The following DCHS1 variants were observed in gnomAD, a reference collection of about 807,000 sequenced individuals.
DCHS1 encodes the protein protocadherin-16.
DCHS1 carries 78 observed loss-of-function variants against 213.9 expected under a neutral mutation model. The observed-to-expected ratio is 0.36, with a 90% CI of 0.30 to 0.44. The LOEUF is 0.44. DCHS1 is among the 20% of genes least tolerant of loss of function. DCHS1 has a pLI of 1.00. For synonymous variants in DCHS1, 1,828 were observed against 1,873.7 expected (o/e 0.98, Z 0.63); for missense variants, 3,946 against 4,395.9 (o/e 0.90, Z 2.89).
rs1168887726 is a variant in DCHS1, at chr11:6,622,139, G to C, written c.9537C>G (p.Val3179=). The part of the protein sequence containing the change: ...WCPQFQPLAS[V]FTEIARLKDE... ...CCTTGAGCCGAGCGATCTCTGTGAAGACACTGGCCAGTGGTTGGAACTGAG... is the reference window on the plus strand; with the variant it reads ...CCTTGAGCCGAGCGATCTCTGTGAACACACTGGCCAGTGGTTGGAACTGAG... Residue 3179 remains valine, a synonymous_variant, in exon 21 of 21, where the codon GTC becomes GTG. Transcript: ENST00000299441. The surrounding 1 kb of genome is among the most constrained non-coding windows in gnomAD (Gnocchi z 5.4). The C allele has an allele frequency of 6.2e-7, 1 of 1,612,700 alleles. No homozygotes were observed. The highest frequency in any genetic ancestry group is 8.5e-7 in the Non-Finnish European group (1 of 1,179,766).
In DCHS1 at chr11:6,621,714, T is replaced by C; in HGVS notation, c.*65A>G. 6.6e-7 allele frequency: 1 copy of C among 1,525,912 alleles called. No homozygotes were observed. Among genetic ancestry groups the C allele is most frequent in the Non-Finnish European group, 8.8e-7 (1 of 1,134,854 alleles). The allele number at this position is 1,525,912 out of a possible 1,614,324, so 94.5% of individuals were successfully genotyped here. On this transcript the variant is annotated 3_prime_UTR_variant, in exon 21 of 21. Coordinates refer to ENST00000299441, the MANE Select transcript of DCHS1 (RefSeq NM_003737.4). ...TAGTCCGAGGCTGCCCAGGGCAGGC[T>C]CAGAGTGGGGCCTGCGTTGGGGACA...
rs776701259 is a variant in DCHS1 at position 6,625,204 on chromosome 11, G to A, written c.7140C>T (p.Leu2380=). 4 of 1,590,122 alleles carry A rather than the reference G, an allele frequency of 2.5e-6. No homozygotes were observed. Among genetic ancestry groups the A allele is most frequent in the Non-Finnish European group, 3.4e-6 (4 of 1,166,770 alleles). The change falls in exon 19 of 21, where the codon CTC becomes CTT. Residue 2380 remains leucine, a synonymous_variant. Coordinates refer to ENST00000299441, the MANE Select transcript of DCHS1 (RefSeq NM_003737.4). This position sits in a 1 kb window ranked among gnomAD's most constrained non-coding sequence, Gnocchi z 5.3. ...GATCCATGGGTGTCAATACCTGGTA[G>A]AGGCTCTGTGAGAAGGCAGGTGCAT... ...NDNAPAFSQS[L]YQVMLLEHTP... is the part of the protein sequence containing the mutation.
chr11:6,623,739 G>A lies in DCHS1; in HGVS notation c.7937C>T (p.Pro2646Leu). 6.2e-7 allele frequency: 1 copy of A among 1,613,928 alleles called. No homozygotes were observed. The highest frequency in any genetic ancestry group is 8.5e-7 in the Non-Finnish European group (1 of 1,179,912). The change falls in exon 21 of 21, where the codon CCA (proline) becomes CTA (leucine). Residue 2646 changes from proline (P) to leucine (L), a missense_variant. By Grantham distance (98) the Pro-to-Leu change is moderately conservative. Coordinates refer to ENST00000299441, the MANE Select transcript of DCHS1 (RefSeq NM_003737.4). The part of the protein sequence containing the change: ...LVRFTVSSGD[P>L]SGLFELDESS... ...CTCATCCAGCTCAAAGAGCCCTGAT[G>A]GGTCGCCTGAGCTGACAGTGAAACG...
At position 6,625,381 on chromosome 11, in the gene DCHS1, G is replaced by A. The variant is rs1032537133; in HGVS notation, c.6963C>T (p.Pro2321=). ...GGCCTCCATAGCGGCCAACACTGAA[G>A]GGATCCTGGGGCCCAGATGGGCTTA... is the stretch of plus-strand genomic sequence containing the variant. ...YVLSPSGPQD[P]FSVGRYGGRV... Residue 2321 remains proline, a synonymous_variant, in exon 19 of 21, where the codon CCC becomes CCT. Coordinates refer to ENST00000299441, the MANE Select transcript of DCHS1 (RefSeq NM_003737.4). This position sits in a 1 kb window ranked among gnomAD's most constrained non-coding sequence, Gnocchi z 5.3. The A allele has an allele frequency of 1.9e-6, 3 of 1,612,482 alleles. No individual in the cohort carries two copies. Among genetic ancestry groups the A allele is most frequent in the African/African-American group, 1.3e-5 (1 of 74,966 alleles).
chr11:6,624,794 G>T lies in DCHS1; in HGVS notation c.7221C>A (p.Ala2407=). ...CCAGGTGGTAGGAAATGTGACCGTT[G>T]GCACCTGAGTCCCGATCAGTGGCAG... is the stretch of plus-strand genomic sequence containing the variant. ...SVSATDRDSG[A]NGHISYHLAS... Residue 2407 remains alanine (A), a synonymous_variant, in exon 20 of 21, where the codon GCC becomes GCA. Coordinates refer to ENST00000299441, the MANE Select transcript of DCHS1 (RefSeq NM_003737.4). 6.2e-7 allele frequency: 1 copy of T among 1,613,884 alleles called. No individual in the cohort carries two copies.
chr11:6,627,353 C>T lies in DCHS1; in HGVS notation c.5686G>A (p.Ala1896Thr), dbSNP rs750096302. 9.7e-5 allele frequency: 156 copies of T among 1,607,646 alleles called. No individual in the cohort carries two copies. Among genetic ancestry groups the T allele is most frequent in the Non-Finnish European group, 6.4e-5 (75 of 1,177,210 alleles). The change falls in exon 14 of 21, where the codon GCC (alanine) becomes ACC (threonine). Residue 1896 changes from alanine (A) to threonine (T), a missense_variant. This residue lies in a region of DCHS1 where 3,384 missense variants were observed against 3,780.1 expected (regional missense o/e 0.90). Coordinates refer to ENST00000299441, the MANE Select transcript of DCHS1 (RefSeq NM_003737.4). The surrounding 1 kb of genome is among the most constrained non-coding windows in gnomAD (Gnocchi z 5.4). ...AGCAGGAAGGCTCCTGCTGTACCGG[C>T]GCCCAGGTAGTAGGTCACATGGCCA... Reference protein sequence around the residue: ...ANGHVTYYLGAGTAGAFLLEP... With the variant: ...ANGHVTYYLGTGTAGAFLLEP...
In DCHS1 at chr11:6,621,578, T is replaced by G. The variant is rs1855687062; in HGVS notation, c.*201A>C. The G allele has an allele frequency of 1.4e-6, 1 of 718,616 alleles. No individual in the cohort carries two copies. Among genetic ancestry groups the G allele is most frequent in the African/African-American group, 1.7e-5 (1 of 57,534 alleles). The allele number at this position is 718,616 out of a possible 1,614,324, so 44.5% of individuals were successfully genotyped here. On this transcript the variant is annotated 3_prime_UTR_variant, in exon 21 of 21. Coordinates refer to ENST00000299441, the MANE Select transcript of DCHS1 (RefSeq NM_003737.4). Reference sequence around the variant, plus strand: ...TTCATATTTCTCCCCACATTGGACCTGGTCACAGGTCAGTGAGCAACAGGG... The same window carrying G: ...TTCATATTTCTCCCCACATTGGACCGGGTCACAGGTCAGTGAGCAACAGGG...
chr11:6,626,301 A>T lies in DCHS1; in HGVS notation c.6444T>A (p.Ser2148Arg), dbSNP rs1206604259. 2 of 1,612,838 alleles carry T rather than the reference A, an allele frequency of 1.2e-6. No individual in the cohort carries two copies. The highest frequency in any genetic ancestry group is 2.7e-5 in the African/African-American group (2 of 74,762). Residue 2148 changes from serine to arginine, a missense_variant, in exon 16 of 21, where the codon AGT becomes AGA. Transcript: ENST00000299441. This position sits in a 1 kb window ranked among gnomAD's most constrained non-coding sequence, Gnocchi z 5.2. The part of the protein sequence containing the change: ...PRLRLVLQAE[S>R]GGAFAFTVLT... Reference sequence around the variant, plus strand: ...GCACAGTGAAGGCAAAGGCTCCTCCACTCTCTGCCTGCAGCACCAGTCGCA... The same window carrying T: ...GCACAGTGAAGGCAAAGGCTCCTCCTCTCTCTGCCTGCAGCACCAGTCGCA...
rs1475475046 is a variant in DCHS1 at position 6,627,009 on chromosome 11, G to A, written c.6030C>T (p.Gly2010=). The change falls in exon 14 of 21, where the codon GGC becomes GGT. Residue 2010 remains glycine, a synonymous_variant. Coordinates refer to ENST00000299441, the MANE Select transcript of DCHS1 (RefSeq NM_003737.4). The surrounding 1 kb of genome is among the most constrained non-coding windows in gnomAD (Gnocchi z 5.4). The part of the protein sequence containing the change: ...LYRLAGTPPP[G]TTVDSYTGEI... ...CACCAGTGTAAGAGTCCACAGTAGTGCCAGGAGGTGGTGTGCCTGCCAGCC... is the reference window on the plus strand; with the variant it reads ...CACCAGTGTAAGAGTCCACAGTAGTACCAGGAGGTGGTGTGCCTGCCAGCC... 6.2e-7 allele frequency: 1 copy of A among 1,613,654 alleles called. No individual in the cohort carries two copies. The highest frequency in any genetic ancestry group is 1.1e-5 in the South Asian group (1 of 91,074).
chr11:6,647,986 G>C (rs1222616284), intron 1 of DCHS1, among the ~76,000 whole-genome samples: 1 of 152,192 alleles, frequency 6.6e-6, no homozygotes, highest in East Asian at 1.9e-4. Flanking sequence ...AGGAAGATGA[G>C]GGAGTGGAAG....
Position 6,629,882 on chromosome 11 carries a change from G to A in DCHS1, c.4825C>T (p.Arg1609Cys), listed in dbSNP as rs774193040. 5.6e-6 allele frequency: 9 copies of A among 1,612,708 alleles called. No homozygotes were observed. The highest frequency in any genetic ancestry group is 1.7e-5 in the Admixed American group (1 of 60,020). Residue 1609 changes from arginine (R) to cysteine (C), a missense_variant, in exon 11 of 21, where the codon CGC becomes TGC. By Grantham distance (180) the Arg-to-Cys change is radical. Transcript: ENST00000299441. Reference sequence around the variant, plus strand: ...AGTACGTGCTCAGCTCGTTGTTCGCGGTCCAACGGCCGCACCACGGACAGC... The same window carrying A: ...AGTACGTGCTCAGCTCGTTGTTCGCAGTCCAACGGCCGCACCACGGACAGC... ...GALSVVRPLD[R>C]EQRAEHVLTV...
Position 6,627,861 on chromosome 11 carries a change from C to T in DCHS1, c.5372-194G>A, listed in dbSNP as rs1473907312. On this transcript the variant is annotated intron_variant, in intron 13 of 20. Coordinates refer to ENST00000299441, the MANE Select transcript of DCHS1 (RefSeq NM_003737.4). The surrounding 1 kb of genome is among the most constrained non-coding windows in gnomAD (Gnocchi z 5.4). ...TCATTTGTGTGTGGTCTGGGAACCCCGGGAGTCCCCCAAGTCCTTTTCATG... is the reference window on the plus strand; with the variant it reads ...TCATTTGTGTGTGGTCTGGGAACCCTGGGAGTCCCCCAAGTCCTTTTCATG... Among the ~76,000 whole-genome samples, 1 of 152,200 alleles carries T rather than the reference C, an allele frequency of 6.6e-6. No homozygotes were observed. The highest frequency in any genetic ancestry group is 1.5e-5 in the Non-Finnish European group (1 of 68,034).
At chr11:6,642,001 C>T (rs2134647469) in intron 1 of DCHS1, among the ~76,000 whole-genome samples, 1 of 152,350 alleles carries the variant, frequency 6.6e-6, no homozygotes, top group Non-Finnish European at 1.5e-5. Context: ...AAACTCCCTT[C>T]TTCCTATTTC....
rs1482232101 is a variant in DCHS1, at chr11:6,623,260, C to T, written c.8416G>A (p.Glu2806Lys). The change falls in exon 21 of 21, where the codon GAG becomes AAG. Residue 2806 changes from glutamate (E) to lysine (K), a missense_variant. Physicochemically the swap from Glu to Lys is moderately conservative, Grantham distance 56. Coordinates refer to ENST00000299441, the MANE Select transcript of DCHS1 (RefSeq NM_003737.4). ...SVTVSVLVTG[E>K]DEYDPVFLAP... The stretch of plus-strand genomic sequence containing the variant: ...AGAAATACAGGGTCATACTCATCCT[C>T]TCCAGTCACTAGCACCGACACAGTG... 6 of 1,590,560 alleles carry T rather than the reference C, an allele frequency of 3.8e-6. No homozygotes were observed. In the African/African-American group the frequency reaches 5.4e-5, roughly 14 times the overall value.
At chr11:6,645,190 T>C (rs748410183) in intron 1 of DCHS1, among the ~76,000 whole-genome samples, 3 of 152,216 alleles carry the variant, frequency 2.0e-5, no homozygotes, top group Non-Finnish European at 4.4e-5. Flanking sequence ...TCTGCCTTCA[T>C]CCCAGCTTCA....
In DCHS1 at chr11:6,621,934, C is replaced by A. The variant is rs1855698662; in HGVS notation, c.9742G>T (p.Ala3248Ser). ...GGTGAGAAGCTGGGGGACATGGCAG[C>A]TGAGGACAGGGAGCCTTCATGGCTG... The part of the protein sequence containing the change: ...PISHEGSLSS[A>S]AMSPSFSPSL... Residue 3248 changes from alanine (A) to serine (S), a missense_variant, in exon 21 of 21, where the codon GCT becomes TCT. By Grantham distance (99) the Ala-to-Ser change is moderately conservative. Coordinates refer to ENST00000299441, the MANE Select transcript of DCHS1 (RefSeq NM_003737.4). The A allele has an allele frequency of 6.2e-7, 1 of 1,613,082 alleles. No homozygotes were observed. The highest frequency in any genetic ancestry group is 1.1e-5 in the South Asian group (1 of 91,028).
In DCHS1 at chr11:6,624,740, G is replaced by A. The variant is rs763128348; in HGVS notation, c.7275C>T (p.Asp2425=). The A allele has an allele frequency of 4.3e-6, 7 of 1,613,928 alleles. No individual in the cohort carries two copies. The Admixed American group carries it at 8.3e-5, about 19-fold the overall frequency. ...CTGGGAAAGACGCACCATTGTTGGG[G>A]TCAACACTGAAGCCATCGGCAGGGG... ...LASPADGFSV[D]PNNGTLFTIV... The change falls in exon 20 of 21, where the codon GAC becomes GAT. Residue 2425 remains aspartate (D), a synonymous_variant. Transcript: ENST00000299441.
intron 1 of DCHS1, among the ~76,000 whole-genome samples, chr11:6,652,876 T>C (rs1856264272): frequency 6.6e-6 from 1 of 152,146 alleles, no homozygotes; most frequent in African/African-American, 2.4e-5. Flanking sequence ...AAAGAGCTCT[T>C]GAAACCATCC....
rs917509275 is a variant in DCHS1, at chr11:6,655,598, G to A, written c.-156C>T. ...CGCGGGCTCCCTCGCCCGGTGCTGGGGCGCCGTCCGGCCGCGGTCAGCCCC... is the reference window on the plus strand; with the variant it reads ...CGCGGGCTCCCTCGCCCGGTGCTGGAGCGCCGTCCGGCCGCGGTCAGCCCC... On this transcript the variant is annotated 5_prime_UTR_variant, in exon 1 of 21. Coordinates refer to ENST00000299441, the MANE Select transcript of DCHS1 (RefSeq NM_003737.4). 2 of 980,112 alleles carry A rather than the reference G, an allele frequency of 2.0e-6. No homozygotes were observed. The highest frequency in any genetic ancestry group is 2.4e-6 in the Non-Finnish European group (2 of 827,912). The allele number at this position is 980,112 out of a possible 1,614,324, so 60.7% of individuals were successfully genotyped here.
Sources: gnomAD v4.1 joint callset for allele counts (sites outside exome capture counted in the v4.1 genomes callset) on GRCh38, gnomAD v4.1.1 for gene constraint, gnomAD v4.1.1 regional missense constraint, Gnocchi (gnomAD v3.1) non-coding constraint, MANE v1.5 for transcripts, NCBI Gene and HGNC (gene_info 2026-07-23, HGNC 2026-07-21) for gene names.